SLC30A5: variants seen among roughly 807,000 people sequenced by gnomAD.
SLC30A5 encodes the protein solute carrier family 30 member 5.
In SLC30A5, 33 loss-of-function variants were observed where a neutral mutation model predicts 79.6. The ratio of observed to expected loss-of-function variants is 0.41; its 90% CI spans 0.31 to 0.55. The LOEUF (loss-of-function observed/expected upper bound fraction) is 0.55, where lower values mean the gene tolerates loss of function less well. Ranked by LOEUF, SLC30A5 falls within the 20% of genes least tolerant of loss-of-function variation. SLC30A5 has a pLI of 0.20. For missense variants in SLC30A5, 788 were observed against 928.1 expected (o/e 0.85, Z 1.96); for synonymous variants, 299 against 319.7 (o/e 0.94, Z 0.69).
At chr5:69,097,413 C>T (rs763974112) in intron 1 of SLC30A5, among the ~76,000 whole-genome samples, 27 of 152,214 alleles carry the variant, frequency 1.8e-4, no homozygotes, top group Non-Finnish European at 2.8e-4. Flanking sequence ...CTGCGCCCTG[C>T]TCTTTCTTCT....
intron 12 of SLC30A5, among the ~76,000 whole-genome samples, chr5:69,120,275 T>C (rs1746500697): frequency 6.6e-6 from 1 of 151,880 alleles, no homozygotes; most frequent in Non-Finnish European, 1.5e-5. Context: ...TCCCAGCTGC[T>C]TGGGTGGCTG....
At chr5:69,117,543 C>T (rs958067294) in intron 11 of SLC30A5, 147 bp downstream of exon 11, 11 of 713,552 alleles carry the variant, frequency 1.5e-5, no homozygotes, top group South Asian at 2.2e-5. Flanking sequence ...GGATGTGAAT[C>T]GGGCATTTGA....
intron 1 of SLC30A5, 90 bp downstream of exon 1, chr5:69,094,428 G>C: frequency 1.6e-6 from 2 of 1,220,504 alleles, no homozygotes; most frequent in South Asian, 4.2e-5. Flanking sequence ...GACAGCCCGG[G>C]ACGTCCCGGG....
chr5:69,117,568 A>G (rs1746405218), intron 11 of SLC30A5, among the ~76,000 whole-genome samples, 172 bp downstream of exon 11: 1 of 152,194 alleles, frequency 6.6e-6, no homozygotes, highest in Non-Finnish European at 1.5e-5. Flanking sequence ...TACTGAATGG[A>G]ATTAAGCTCA....
intron 14 of SLC30A5, among the ~76,000 whole-genome samples, chr5:69,124,130 A>AAAC (rs1746610628): frequency 1.3e-5 from 2 of 150,034 alleles, no homozygotes; most frequent in South Asian, 2.1e-4. Flanking sequence ...AAAAAAAAAA[A>AAAC]CCTAACAGTT....
At chr5:69,127,971 A>G (rs760732102) in intron 14 of SLC30A5, 33 bp from the exon 15 acceptor site, 6 of 1,582,776 alleles carry the variant, frequency 3.8e-6, no homozygotes, top group Middle Eastern at 1.7e-4. Flanking sequence ...AGTAGCCTGT[A>G]TGACCATTTA....
At chr5:69,127,740 T>C (rs999627528) in intron 14 of SLC30A5, among the ~76,000 whole-genome samples, 8 of 152,102 alleles carry the variant, frequency 5.3e-5, no homozygotes, top group Admixed American at 6.6e-5. Flanking sequence ...AGATTTTTTT[T>C]CCCCCACACA....
Position 69,129,772 on chromosome 5 carries a change from T to C in SLC30A5, c.*155T>C. 1 of 551,562 alleles carries C rather than the reference T, an allele frequency of 1.8e-6. No homozygotes were observed. Among genetic ancestry groups the C allele is most frequent in the South Asian group, 4.0e-5 (1 of 25,276 alleles). The allele number at this position is 551,562 out of a possible 1,614,324, so 34.2% of individuals were successfully genotyped here. A position where few individuals can be genotyped will look rare whatever the true frequency, so the allele number is the denominator to read the frequency against. ...GAATCTTTCTTGAAGGAAATTTAAATACAGAATGAAACATTAATGGTAAAA... is the reference window on the plus strand; with the variant it reads ...GAATCTTTCTTGAAGGAAATTTAAACACAGAATGAAACATTAATGGTAAAA... On this transcript the variant is annotated 3_prime_UTR_variant, in exon 16 of 16. Transcript: ENST00000396591.
chr5:69,104,609 AT>A (rs752713096), intron 3 of SLC30A5, 21 bp from the exon 4 acceptor site: 10 of 1,503,990 alleles, frequency 6.6e-6, no homozygotes, highest in South Asian at 1.3e-5. Flanking sequence ...GAAATTTTTA[AT>A]TTTTTTGTTT....
chr5:69,104,623 A>C lies in SLC30A5; in HGVS notation c.274-8A>C, dbSNP rs773565962. 2.6e-6 allele frequency: 4 copies of C among 1,522,166 alleles called. No individual in the cohort carries two copies. The highest frequency in any genetic ancestry group is 3.5e-6 in the Non-Finnish European group (4 of 1,133,166). 94.3% of individuals were successfully genotyped at this position (1,522,166 alleles called of 1,614,324 possible). A position where few individuals can be genotyped will look rare whatever the true frequency, so the allele number is the denominator to read the frequency against. On this transcript the variant is annotated splice_region_variant and splice_polypyrimidine_tract_variant and intron_variant, in intron 3 of 15. Transcript: ENST00000396591. ...TGAAATTTTTAATTTTTTTGTTTCC[A>C]TTTATAGTGGATCAAAATATTTAAA...
chr5:69,101,634 C>G (rs1745922363), intron 2 of SLC30A5, among the ~76,000 whole-genome samples: 1 of 151,340 alleles, frequency 6.6e-6, no homozygotes, highest in Non-Finnish European at 1.5e-5. Context: ...TAGTGACCAC[C>G]CTCTGTGTTA....
rs1027528046 is a variant in SLC30A5 at position 69,130,713 on chromosome 5, G to C, written c.*1096G>C. On this transcript the variant is annotated 3_prime_UTR_variant, in exon 16 of 16. Coordinates refer to ENST00000396591, the MANE Select transcript of SLC30A5 (RefSeq NM_022902.5). ...TTTTTTTCATTTCCAGTTGTAACTAGATATGTAGTAAAGTCTGAAAAGACT... is the reference window on the plus strand; with the variant it reads ...TTTTTTTCATTTCCAGTTGTAACTACATATGTAGTAAAGTCTGAAAAGACT... 1 of 151,938 alleles carries C rather than the reference G, an allele frequency of 6.6e-6. No individual in the cohort carries two copies. The highest frequency in any genetic ancestry group is 1.5e-5 in the Non-Finnish European group (1 of 67,986). The allele number at this position is 151,938 out of a possible 1,614,324, so 9.4% of individuals were successfully genotyped here.
chr5:69,112,711 C>A (rs1049132284), intron 5 of SLC30A5, among the ~76,000 whole-genome samples: 1 of 151,980 alleles, frequency 6.6e-6, no homozygotes, highest in Non-Finnish European at 1.5e-5. Context: ...CTGGTTTTAC[C>A]GTGCCCTCTG....
chr5:69,128,679 TAA>T (rs1307657862), intron 15 of SLC30A5, among the ~76,000 whole-genome samples: 2 of 152,178 alleles, frequency 1.3e-5, no homozygotes, highest in African/African-American at 4.8e-5. Context: ...TTAATTAATA[TAA>T]AAAAATTCAT....
intron 1 of SLC30A5, among the ~76,000 whole-genome samples, chr5:69,096,137 G>A (rs1009290570): frequency 6.6e-6 from 1 of 152,132 alleles, no homozygotes; most frequent in African/African-American, 2.4e-5. Flanking sequence ...GAATGTCCAC[G>A]TTCTTGGGAA....
chr5:69,122,301 G>A (rs1176934395), intron 13 of SLC30A5, among the ~76,000 whole-genome samples: 1 of 152,084 alleles, frequency 6.6e-6, no homozygotes, highest in Non-Finnish European at 1.5e-5. Flanking sequence ...GGAGGCCGAG[G>A]CAGAAGAATC....
chr5:69,120,184 T>C (rs1180255834), intron 12 of SLC30A5, among the ~76,000 whole-genome samples: 1 of 152,022 alleles, frequency 6.6e-6, no homozygotes, highest in Non-Finnish European at 1.5e-5. Flanking sequence ...GATATATCTG[T>C]ATATACTGGC....
intron 7 of SLC30A5, 71 bp from the exon 8 acceptor site, chr5:69,115,159 AAAAAAAG>A (rs879138369): frequency 4.7e-6 from 4 of 844,920 alleles, no homozygotes; most frequent in South Asian, 2.1e-5. Flanking sequence ...AAAAAAAAAA[AAAAAAAG>A]ATCATGTATT....
At chr5:69,127,473 CAAAAAAAAA>C (rs70989993) in intron 14 of SLC30A5, among the ~76,000 whole-genome samples, 10 of 77,888 alleles carry the variant, frequency 1.3e-4, no homozygotes, top group African/African-American at 3.8e-4. Flanking sequence ...TACTAAAATA[CAAAAAAAAA>C]AAAAAAAAAA....
Sources: gnomAD v4.1 joint callset for allele counts (sites outside exome capture counted in the v4.1 genomes callset) on GRCh38, gnomAD v4.1.1 for gene constraint, MANE v1.5 for transcripts, NCBI Gene and HGNC (gene_info 2026-07-23, HGNC 2026-07-21) for gene names.